The following FBXL17 variants were observed in gnomAD, a reference collection of about 807,000 sequenced individuals.
The protein encoded by FBXL17 is F-box and leucine rich repeat protein 17, also known as F-box/LRR-repeat protein 17.
In FBXL17, 22 loss-of-function variants were observed where a neutral mutation model predicts 66.2. The ratio of observed to expected loss-of-function variants is 0.33; its 90% confidence interval spans 0.24 to 0.47. The LOEUF (loss-of-function observed/expected upper bound fraction) is 0.47, where lower values mean the gene tolerates loss of function less well. FBXL17 is among the 20% of genes least tolerant of loss of function. The pLI is 1.00. For missense variants in FBXL17, 878 were observed against 948.2 expected (o/e 0.93, Z 0.97); for synonymous variants, 474 against 400.5 (o/e 1.18, Z -2.19).
intron 1 of FBXL17, 98 bp from the exon 2 acceptor site, chr5:108,368,051 A>T (rs1748785847): frequency 8.4e-7 from 1 of 1,191,304 alleles, no homozygotes; most frequent in Non-Finnish European, 1.2e-6. Flanking sequence ...TTGTAAAAAG[A>T]AAACCTTCTT....
chr5:107,941,795 T>G (rs1267537936), intron 7 of FBXL17, among the ~76,000 whole-genome samples: 1 of 152,182 alleles, frequency 6.6e-6, no homozygotes, highest in Non-Finnish European at 1.5e-5. Flanking sequence ...TCGAACCTAA[T>G]TCAGCATCTT....
At chr5:108,058,857 A>G (rs1747814370) in intron 6 of FBXL17, among the ~76,000 whole-genome samples, 2 of 152,184 alleles carry the variant, frequency 1.3e-5, no homozygotes, top group Admixed American at 1.3e-4. Flanking sequence ...AGAAGGGCAG[A>G]TTTTAGCAAG....
intron 8 of FBXL17, chr5:107,880,804 TC>T: frequency 7.4e-7 from 1 of 1,352,226 alleles, no homozygotes; most frequent in Non-Finnish European, 9.5e-7. Context: ...GATTACTTTT[TC>T]TTTCTACTTA....
At chr5:107,999,165 A>G (rs1017133690) in intron 7 of FBXL17, among the ~76,000 whole-genome samples, 7 of 152,158 alleles carry the variant, frequency 4.6e-5, no homozygotes, top group African/African-American at 1.7e-4. Flanking sequence ...ATATAGGTCT[A>G]TTGCACCCCA....
At chr5:108,071,805 G>A (rs1273922155) in intron 6 of FBXL17, among the ~76,000 whole-genome samples, 1 of 151,926 alleles carries the variant, frequency 6.6e-6, no homozygotes, top group African/African-American at 2.4e-5. Context: ...CTTACTCATT[G>A]GTATGTTATT....
intron 4 of FBXL17, among the ~76,000 whole-genome samples, chr5:108,341,696 T>C (rs954978209): frequency 3.3e-5 from 5 of 152,066 alleles, no homozygotes; most frequent in Admixed American, 2.0e-4. Context: ...AACAACCTGG[T>C]CCTTTCTTTC....
chr5:107,960,542 T>A (rs896671802), intron 7 of FBXL17, among the ~76,000 whole-genome samples: 2 of 152,174 alleles, frequency 1.3e-5, no homozygotes, highest in Admixed American at 1.3e-4. Context: ...ATTTCAACTT[T>A]AGATTTCTAT....
chr5:108,097,901 TTTC>T (rs1446493274), intron 6 of FBXL17, among the ~76,000 whole-genome samples: 4 of 152,138 alleles, frequency 2.6e-5, no homozygotes, highest in African/African-American at 9.7e-5. Flanking sequence ...GTCTAACAGG[TTTC>T]TTATTTATCT....
intron 7 of FBXL17, among the ~76,000 whole-genome samples, chr5:107,970,218 A>T (rs981692605): frequency 1.3e-5 from 2 of 152,274 alleles, no homozygotes; most frequent in South Asian, 2.1e-4. Context: ...AGCATGAACA[A>T]GAGGACCTGT....
At chr5:107,908,640 T>C (rs1469436778) in intron 7 of FBXL17, among the ~76,000 whole-genome samples, 2 of 152,066 alleles carry the variant, frequency 1.3e-5, no homozygotes, top group Non-Finnish European at 2.9e-5. Flanking sequence ...TTAGGAGAAG[T>C]GGGCTATGAG....
intron 7 of FBXL17, among the ~76,000 whole-genome samples, chr5:107,961,381 G>C (rs2416521): frequency 0.86 from 130,157 of 151,696 alleles, 56,219 homozygotes; most frequent in African/African-American, 0.93. Context: ...CATAACACCA[G>C]GCCTGGCTAA....
At chr5:108,159,797 T>C (rs566588106) in intron 6 of FBXL17, among the ~76,000 whole-genome samples, 60 of 152,362 alleles carry the variant, frequency 3.9e-4, no homozygotes, top group African/African-American at 1.4e-3. Flanking sequence ...ATTTCTATCA[T>C]ATTTTCTTAA....
intron 7 of FBXL17, among the ~76,000 whole-genome samples, chr5:107,891,299 A>G (rs1749189183): frequency 6.6e-6 from 1 of 152,168 alleles, no homozygotes; most frequent in South Asian, 2.1e-4. Context: ...GGGTGGAAAG[A>G]TAACCTTGTA....
intron 7 of FBXL17, among the ~76,000 whole-genome samples, chr5:107,911,003 G>A (rs896835274): frequency 5.3e-5 from 8 of 151,980 alleles, no homozygotes; most frequent in South Asian, 4.1e-4. Flanking sequence ...TACATTCAAT[G>A]TAATCCCCTA....
At chr5:108,136,703 C>T (rs943823369) in intron 6 of FBXL17, among the ~76,000 whole-genome samples, 2 of 152,144 alleles carry the variant, frequency 1.3e-5, no homozygotes, top group African/African-American at 4.8e-5. Context: ...TAAAGCCCAA[C>T]TGCAAAAACT....
chr5:108,007,630 T>G (rs952587503), intron 7 of FBXL17, among the ~76,000 whole-genome samples: 5 of 145,052 alleles, frequency 3.4e-5, no homozygotes, highest in African/African-American at 1.4e-4. Context: ...TATAGTAGGT[T>G]TCTAAGTTAA....
chr5:108,347,917 T>C (rs1001402543), intron 4 of FBXL17, among the ~76,000 whole-genome samples: 2 of 152,182 alleles, frequency 1.3e-5, no homozygotes, highest in African/African-American at 2.4e-5. Context: ...GCTTAAAATA[T>C]AAAATCTATG....
At chr5:107,883,720 A>G (rs1057183028) in intron 7 of FBXL17, among the ~76,000 whole-genome samples, 2 of 152,166 alleles carry the variant, frequency 1.3e-5, no homozygotes, top group African/African-American at 4.8e-5. Context: ...CCCAGCACCT[A>G]GCACATGCCT....
At chr5:108,262,575 A>T (rs189343531) in intron 4 of FBXL17, among the ~76,000 whole-genome samples, 1 of 152,170 alleles carries the variant, frequency 6.6e-6, no homozygotes, top group Non-Finnish European at 1.5e-5. Flanking sequence ...TGACTTCCTA[A>T]TGCAAGCTGT....
Sources: gnomAD v4.1 joint callset for allele counts (sites outside exome capture counted in the v4.1 genomes callset) on GRCh38, gnomAD v4.1.1 for gene constraint, MANE v1.5 for transcripts, NCBI Gene and HGNC (gene_info 2026-07-23, HGNC 2026-07-21) for gene names.